Variants in EIF3CL observed in about 807,000 individuals in gnomAD.
EIF3CL encodes the protein eukaryotic translation initiation factor 3 subunit C like.
For synonymous variants in EIF3CL, 2 were observed against 19.6 expected, an observed-to-expected ratio of 0.10 and a Z score of 2.37; for missense variants, 5 against 56.1, an observed-to-expected ratio of 0.09 and a Z score of 2.91.
the EIF3CL span, among the ~76,000 whole-genome samples, chr16:28,417,998 A>G: frequency 2.4e-4 from 34 of 140,722 alleles, no homozygotes; most frequent in African/African-American, 7.7e-4. Flanking sequence ...GGCTGAGATC[A>G]CCCCATTGCG....
chr16:28,414,728 T>C, the EIF3CL span: 2 of 384,518 alleles, frequency 5.2e-6, no homozygotes, highest in Non-Finnish European at 1.0e-5. Flanking sequence ...AAGCAGGTGG[T>C]GCAGGAGTAC....
chr16:28,417,827 TAAAA>T, the EIF3CL span, among the ~76,000 whole-genome samples: 1 of 104,298 alleles, frequency 9.6e-6, no homozygotes, highest in Non-Finnish European at 2.0e-5. Flanking sequence ...AAAATAAATT[TAAAA>T]AAAAAAAAAA....
At chr16:28,416,655 G>T in the EIF3CL span, among the ~76,000 whole-genome samples, 1 of 86,062 alleles carries the variant, frequency 1.2e-5, no homozygotes, top group Non-Finnish European at 2.5e-5. Flanking sequence ...CCCGGCAGCC[G>T]CCCCGTCTGA....
At chr16:28,416,834 G>A in the EIF3CL span, among the ~76,000 whole-genome samples, 1 of 84,294 alleles carries the variant, frequency 1.2e-5, no homozygotes, top group Non-Finnish European at 2.7e-5. Context: ...CCCCTACTGG[G>A]AAGTGAGGAG....
the EIF3CL span, chr16:28,414,885 A>G: frequency 3.5e-5 from 18 of 518,912 alleles, 2 homozygotes; most frequent in East Asian, 1.0e-3. Flanking sequence ...CAAGTTCCCC[A>G]TGCAACAGTG....
chr16:28,403,080 G>A (rs2045666753), intron 2 of EIF3CL, among the ~76,000 whole-genome samples: 1 of 145,234 alleles, frequency 6.9e-6, no homozygotes, highest in African/African-American at 2.5e-5. Context: ...AGGTGAACAG[G>A]CATATAAAAT....
At chr16:28,392,792 A>AT (rs1336687075) in intron 8 of EIF3CL, among the ~76,000 whole-genome samples, 4 of 148,828 alleles carry the variant, frequency 2.7e-5, no homozygotes, top group Non-Finnish European at 4.5e-5. Flanking sequence ...CTTTTTTACT[A>AT]TTCCTAAACT....
the EIF3CL span, among the ~76,000 whole-genome samples, chr16:28,417,262 C>T: frequency 2.0e-5 from 3 of 149,522 alleles, no homozygotes; most frequent in Non-Finnish European, 4.4e-5. Context: ...CCCGGCCGCC[C>T]CTACTGGGAA....
upstream of EIF3CL, among the ~76,000 whole-genome samples, chr16:28,408,204 C>CAAAAAA (rs1224629208): frequency 1.0e-4 from 5 of 47,854 alleles, no homozygotes; most frequent in East Asian, 9.4e-4. Context: ...ACCTTGTCGC[C>CAAAAAA]AAAAAAAAAA....
At chr16:28,411,105 G>A in the EIF3CL span, among the ~76,000 whole-genome samples, 28,594 of 146,356 alleles carry the variant, frequency 0.2, 297 homozygotes, top group Non-Finnish European at 0.26. Context: ...GTGCAATGGC[G>A]CAATCTTGGC....
chr16:28,417,217 G>C, the EIF3CL span, among the ~76,000 whole-genome samples: 1 of 146,280 alleles, frequency 6.8e-6, no homozygotes, highest in Non-Finnish European at 1.5e-5. Flanking sequence ...CCTGCCCGGC[G>C]AGCCGCCCCA....
chr16:28,417,973 G>A, the EIF3CL span, among the ~76,000 whole-genome samples: 1 of 144,132 alleles, frequency 6.9e-6, no homozygotes, highest in Non-Finnish European at 1.5e-5. Context: ...AACCAAGGAG[G>A]TGGAGGTTGC....
chr16:28,414,915 G>A, the EIF3CL span: 16 of 516,188 alleles, frequency 3.1e-5, 2 homozygotes, highest in Non-Finnish European at 5.9e-5. Flanking sequence ...CGGCCTCCGG[G>A]TCCCCAACTC....
chr16:28,384,762 CAG>C (rs1362992937), intron 15 of EIF3CL, among the ~76,000 whole-genome samples: 1 of 99,446 alleles, frequency 1.0e-5, no homozygotes, highest in African/African-American at 3.9e-5. Context: ...CTAATTAAGA[CAG>C]GGGAGACGGT....
At chr16:28,421,746 A>G in the EIF3CL span, among the ~76,000 whole-genome samples, 3 of 109,954 alleles carry the variant, frequency 2.7e-5, no homozygotes, top group Non-Finnish European at 5.9e-5. Context: ...TGGGAGGTAG[A>G]AGTTGCAGTG....
intron 15 of EIF3CL, among the ~76,000 whole-genome samples, chr16:28,385,382 GA>G (rs1394187739): frequency 8.0e-6 from 1 of 124,788 alleles, no homozygotes; most frequent in Non-Finnish European, 1.8e-5. Context: ...GCCCAGGCTA[GA>G]GTGCAGTGGC....
the EIF3CL span, among the ~76,000 whole-genome samples, chr16:28,419,241 C>T: frequency 2.0e-5 from 3 of 151,074 alleles, no homozygotes; most frequent in South Asian, 2.1e-4. Flanking sequence ...CTCCTGACCT[C>T]GTGATCCGCC....
At chr16:28,422,988 C>A in the EIF3CL span, among the ~76,000 whole-genome samples, 3 of 127,762 alleles carry the variant, frequency 2.3e-5, no homozygotes, top group African/African-American at 8.6e-5. Context: ...CAAGACCAGC[C>A]CGGGCAACAT....
the EIF3CL span, among the ~76,000 whole-genome samples, chr16:28,416,993 G>T: frequency 1.3e-5 from 1 of 77,460 alleles, no homozygotes; most frequent in Non-Finnish European, 2.7e-5. Context: ...CCGGCCAGCC[G>T]CCCCGTCCGG....
Sources: allele counts gnomAD v4.1 joint callset (sites outside exome capture counted in the v4.1 genomes callset), GRCh38; gene constraint gnomAD v4.1.1; transcripts MANE v1.5; gene names NCBI Gene and HGNC (gene_info 2026-07-23, HGNC 2026-07-21).